Variants in TRHDE observed in about 807,000 individuals in gnomAD.
The protein encoded by TRHDE is thyrotropin releasing hormone degrading enzyme.
In TRHDE, 72 loss-of-function variants were observed where a neutral mutation model predicts 125.7. The observed-to-expected ratio is 0.57, with a 90% CI of 0.47 to 0.70. The LOEUF (loss-of-function observed/expected upper bound fraction) is 0.70. Among genes scored for constraint, TRHDE ranks in the 30% least tolerant of loss-of-function variants. The pLI, the probability that TRHDE is intolerant of heterozygous loss-of-function variation, is 0.00. For missense variants in TRHDE, 1,110 were observed against 1,327.1 expected (o/e 0.84, Z 2.54); for synonymous variants, 509 against 509.1 (o/e 1.00, Z 0.00).
At chr12:72,370,247 A>G (rs1871516592) in intron 2 of TRHDE, among the ~76,000 whole-genome samples, 1 of 152,172 alleles carries the variant, frequency 6.6e-6, no homozygotes, top group Admixed American at 6.5e-5. Context: ...GTTAGGACTG[A>G]TTGAATAAAT....
At chr12:72,427,365 C>A (rs1874233607) in intron 3 of TRHDE, among the ~76,000 whole-genome samples, 1 of 152,128 alleles carries the variant, frequency 6.6e-6, no homozygotes, top group African/African-American at 2.4e-5. Context: ...CAGGACCCAG[C>A]CTGTCCTCTT....
chr12:72,233,305 G>T (rs959896609), intron 2 of TRHDE, among the ~76,000 whole-genome samples: 1 of 152,106 alleles, frequency 6.6e-6, no homozygotes, highest in African/African-American at 2.4e-5. Context: ...TGGAATAAAA[G>T]GTATCAAGAA....
intron 6 of TRHDE, among the ~76,000 whole-genome samples, chr12:72,526,350 C>T (rs548794391): frequency 2.2e-4 from 33 of 152,186 alleles, no homozygotes; most frequent in South Asian, 8.3e-4. Context: ...TTCTTAGCCA[C>T]TCACACAATA....
chr12:72,439,171 C>G (rs1324239009), intron 3 of TRHDE, among the ~76,000 whole-genome samples: 2 of 151,438 alleles, frequency 1.3e-5, no homozygotes, highest in African/African-American at 2.4e-5. Flanking sequence ...CTGTTTTTTC[C>G]CCTTAGTACC....
intron 15 of TRHDE, among the ~76,000 whole-genome samples, chr12:72,634,747 C>G (rs1444871953): frequency 1.4e-5 from 2 of 148,094 alleles, no homozygotes; most frequent in East Asian, 4.1e-4. Flanking sequence ...TGAGAATATG[C>G]GGTGTTTGGT....
At chr12:72,307,024 G>A (rs1489063498) in intron 2 of TRHDE, among the ~76,000 whole-genome samples, 2 of 152,144 alleles carry the variant, frequency 1.3e-5, no homozygotes, top group Non-Finnish European at 2.9e-5. Flanking sequence ...AGAATGGTAG[G>A]TGACGAGATC....
chr12:72,415,578 T>C (rs1334640272), intron 3 of TRHDE, among the ~76,000 whole-genome samples: 3 of 151,904 alleles, frequency 2.0e-5, no homozygotes, highest in South Asian at 2.1e-4. Flanking sequence ...ATCATTCTAC[T>C]GTCTCTCTCC....
chr12:72,097,086 A>G (rs1430755018), intron 1 of TRHDE, among the ~76,000 whole-genome samples: 1 of 152,236 alleles, frequency 6.6e-6, no homozygotes, highest in East Asian at 1.9e-4. Context: ...TTCTCTATCA[A>G]CCCACATGTA....
chr12:72,441,562 C>A (rs368809168), intron 3 of TRHDE, among the ~76,000 whole-genome samples: 1 of 151,802 alleles, frequency 6.6e-6, no homozygotes. Flanking sequence ...CCTTTTAATC[C>A]TTCTGGAGAA....
chr12:72,544,448 G>A (rs994717138), intron 7 of TRHDE, among the ~76,000 whole-genome samples: 1 of 151,508 alleles, frequency 6.6e-6, no homozygotes, highest in Non-Finnish European at 1.5e-5. Context: ...ATTAACCATG[G>A]TTATTTCCAT....
rs141366738 is a variant in TRHDE at position 72,664,758 on chromosome 12, A to G, written c.*1563A>G. 11 of 152,236 alleles carry G rather than the reference A, an allele frequency of 7.2e-5. No homozygotes were observed. Among genetic ancestry groups the G allele is most frequent in the African/African-American group, 2.6e-4 (11 of 41,578 alleles). The allele number at this position is 152,236 out of a possible 1,614,324, so 9.4% of individuals were successfully genotyped here. A position where few individuals can be genotyped will look rare whatever the true frequency, so the allele number is the denominator to read the frequency against. ...AAAGAAATATATTCTAACAGTACGCACTGAATAGTGAAAATAATTAGACAT... is the reference window on the plus strand; with the variant it reads ...AAAGAAATATATTCTAACAGTACGCGCTGAATAGTGAAAATAATTAGACAT... On this transcript the variant is annotated 3_prime_UTR_variant, in exon 19 of 19. Coordinates refer to ENST00000261180, the MANE Select transcript of TRHDE (RefSeq NM_013381.3).
chr12:72,388,091 C>T (rs1872501955), intron 3 of TRHDE, among the ~76,000 whole-genome samples: 1 of 152,062 alleles, frequency 6.6e-6, no homozygotes, highest in Admixed American at 6.6e-5. Flanking sequence ...AGCTGCACTG[C>T]ATTCCTCGCT....
chr12:72,518,263 T>G (rs991326754), intron 6 of TRHDE, among the ~76,000 whole-genome samples: 7 of 145,370 alleles, frequency 4.8e-5, no homozygotes, highest in African/African-American at 1.6e-4. Flanking sequence ...TCTCCCATTA[T>G]TAATGTGTGG....
At chr12:72,159,620 G>C (rs1876593479) in intron 2 of TRHDE, among the ~76,000 whole-genome samples, 1 of 152,176 alleles carries the variant, frequency 6.6e-6, no homozygotes, top group South Asian at 2.1e-4. Flanking sequence ...GTTTGAAAAT[G>C]TTATATCTTC....
intron 6 of TRHDE, among the ~76,000 whole-genome samples, chr12:72,531,511 G>C (rs549901517): frequency 1.9e-4 from 29 of 151,670 alleles, no homozygotes; most frequent in Non-Finnish European, 4.0e-4. Flanking sequence ...TTTTTGTTTT[G>C]TTTTGCTTAA....
At chr12:72,546,250 G>A (rs1869412097) in intron 7 of TRHDE, among the ~76,000 whole-genome samples, 2 of 151,728 alleles carry the variant, frequency 1.3e-5, no homozygotes, top group South Asian at 4.1e-4. Context: ...TTCAAAGCCT[G>A]TAAGAGATAC....
intron 6 of TRHDE, among the ~76,000 whole-genome samples, chr12:72,510,917 G>A (rs1878556239): frequency 6.6e-6 from 1 of 152,150 alleles, no homozygotes; most frequent in African/African-American, 2.4e-5. Flanking sequence ...GGAGGATAGA[G>A]GGCTAAGAGG....
intron 2 of TRHDE, among the ~76,000 whole-genome samples, chr12:72,147,161 C>T (rs1470006028): frequency 1.3e-5 from 2 of 151,464 alleles, no homozygotes. Context: ...TTTTTGGGCA[C>T]GAAAACAGAA....
At chr12:72,572,456 C>A (rs1250640237) in intron 10 of TRHDE, among the ~76,000 whole-genome samples, 1 of 151,886 alleles carries the variant, frequency 6.6e-6, no homozygotes, top group Non-Finnish European at 1.5e-5. Context: ...AAATACCATA[C>A]CTCATTAGGC....
Sources: gnomAD v4.1 joint callset for allele counts (sites outside exome capture counted in the v4.1 genomes callset) on GRCh38, gnomAD v4.1.1 for gene constraint, MANE v1.5 for transcripts, NCBI Gene and HGNC (gene_info 2026-07-23, HGNC 2026-07-21) for gene names.